Variants in ARFGEF1 observed in about 807,000 individuals in gnomAD.
The protein encoded by ARFGEF1 is brefeldin A-inhibited guanine nucleotide-exchange protein 1.
In ARFGEF1, 42 loss-of-function variants were observed where a neutral mutation model predicts 231.0. The ratio of observed to expected loss-of-function variants is 0.18; its 90% CI spans 0.14 to 0.24. ARFGEF1 has a LOEUF of 0.24. Ranked by LOEUF, ARFGEF1 falls within the 10% of genes least tolerant of loss-of-function variation. The pLI is 1.00. For synonymous variants in ARFGEF1, 710 were observed against 732.3 expected (o/e 0.97, Z 0.49); for missense variants, 1,345 against 2,192.0 (o/e 0.61, Z 7.72).
chr8:67,196,454 A>G (rs1837957599), downstream of ARFGEF1, among the ~76,000 whole-genome samples: 1 of 152,212 alleles, frequency 6.6e-6, no homozygotes, highest in African/African-American at 2.4e-5. Flanking sequence ...AGTCATTCAA[A>G]TAATTGTGAC....
chr8:67,263,942 A>G (rs1254429278), intron 14 of ARFGEF1, among the ~76,000 whole-genome samples: 3 of 152,142 alleles, frequency 2.0e-5, no homozygotes, highest in Non-Finnish European at 2.9e-5. Context: ...AAAAACATGC[A>G]AGAGAGGAAG....
chr8:67,276,647 A>T (rs765644761), intron 8 of ARFGEF1, among the ~76,000 whole-genome samples: 1 of 152,160 alleles, frequency 6.6e-6, no homozygotes, highest in Non-Finnish European at 1.5e-5. Context: ...AGAACCTGTC[A>T]TTACCATGGT....
At chr8:67,244,254 A>C (rs1340004595) in intron 19 of ARFGEF1, among the ~76,000 whole-genome samples, 2 of 27,506 alleles carry the variant, frequency 7.3e-5, no homozygotes, top group Non-Finnish European at 1.3e-4. Flanking sequence ...AAAAAAAAAA[A>C]AAAAAAAAAA....
chr8:67,210,282 A>C (rs1024068059), intron 34 of ARFGEF1, among the ~76,000 whole-genome samples: 3 of 151,838 alleles, frequency 2.0e-5, no homozygotes, highest in African/African-American at 7.3e-5. Context: ...GTTCAAGATC[A>C]GCCTGGGCAA....
chr8:67,229,679 G>A (rs1250491288), intron 23 of ARFGEF1, among the ~76,000 whole-genome samples: 1 of 151,896 alleles, frequency 6.6e-6, no homozygotes, highest in Non-Finnish European at 1.5e-5. Context: ...CAGAGCTCTC[G>A]CAAAACAAAA....
chr8:67,241,750 GA>G (rs1202075040), intron 19 of ARFGEF1, among the ~76,000 whole-genome samples: 1 of 152,086 alleles, frequency 6.6e-6, no homozygotes, highest in East Asian at 1.9e-4. Context: ...TAAGAACCGA[GA>G]AACAGGTGAG....
chr8:67,248,120 G>C lies in ARFGEF1; in HGVS notation c.2850+3179C>G, dbSNP rs964954413. Among the ~76,000 whole-genome samples, 11 of 148,826 alleles carry C rather than the reference G, an allele frequency of 7.4e-5. 2 individuals are homozygous for C. Among genetic ancestry groups the C allele is most frequent in the African/African-American group, 2.8e-4 (11 of 39,684 alleles). ...CTATAGAATACCATGACATTCTTCA[G>C]AGAAATAGAAAAAAAAAATCCTACA... On this transcript the variant is annotated intron_variant, in intron 19 of 38. Coordinates refer to ENST00000262215, the MANE Select transcript of ARFGEF1 (RefSeq NM_006421.5).
chr8:67,296,634 G>A (rs1363777122), intron 4 of ARFGEF1, 24 bp from the exon 5 acceptor site: 1 of 1,539,098 alleles, frequency 6.5e-7, no homozygotes, highest in Non-Finnish European at 8.8e-7. Context: ...AAAGGAAAAA[G>A]TTAAAGAGAT....
rs748130650 is a variant in ARFGEF1 at position 67,343,204 on chromosome 8, C to T, written c.84G>A (p.Ala28=). Residue 28 remains alanine (A), a synonymous_variant, in exon 1 of 39, where the codon GCG becomes GCA. Coordinates refer to ENST00000262215, the MANE Select transcript of ARFGEF1 (RefSeq NM_006421.5). ...AAGCTTTGCGCAGCTGGGAGTGATG[C>T]GCCTTCTTCACTTCCTTGTCGGCCA... is the stretch of plus-strand genomic sequence containing the variant. ...KILADKEVKK[A]HHSQLRKACE... is the part of the protein sequence containing the mutation. 67 of 1,610,910 alleles carry T rather than the reference C, an allele frequency of 4.2e-5. No individual in the cohort carries two copies. Among genetic ancestry groups the T allele is most frequent in the Non-Finnish European group, 5.0e-5 (59 of 1,178,234 alleles).
chr8:67,175,064 G>A, downstream of ARFGEF1: 2 of 455,606 alleles, frequency 4.4e-6, no homozygotes, highest in East Asian at 8.6e-5. Context: ...CTTGTTCTGG[G>A]GTATTCCTTA....
chr8:67,195,755 AAAAG>A (rs1837816974), downstream of ARFGEF1: 2 of 607,798 alleles, frequency 3.3e-6, no homozygotes, highest in Non-Finnish European at 5.9e-6. Flanking sequence ...GTACATAAAT[AAAAG>A]GCCATGATTA....
At chr8:67,259,736 G>C (rs55993413) in intron 15 of ARFGEF1, 79 bp downstream of exon 15, 1 of 994,368 alleles carries the variant, frequency 1.0e-6, no homozygotes, top group African/African-American at 1.6e-5. Context: ...GCAATATAGC[G>C]AGACCCTGTC....
At chr8:67,321,033 A>G (rs1807565536) in intron 1 of ARFGEF1, among the ~76,000 whole-genome samples, 1 of 152,114 alleles carries the variant, frequency 6.6e-6, no homozygotes, top group African/African-American at 2.4e-5. Flanking sequence ...ATGCATGCTG[A>G]GTGAAAGAAG....
downstream of ARFGEF1, among the ~76,000 whole-genome samples, chr8:67,194,705 TATG>T (rs1275173342): frequency 6.8e-6 from 1 of 147,704 alleles, no homozygotes; most frequent in Admixed American, 6.7e-5. Context: ...AAAAAAAGAA[TATG>T]ATATCACAGG....
chr8:67,185,861 G>A (rs1022966547), intron 5 of ARFGEF1, among the ~76,000 whole-genome samples: 5 of 152,032 alleles, frequency 3.3e-5, no homozygotes, highest in Admixed American at 2.6e-4. Flanking sequence ...AGACTCAAAA[G>A]CATCATCAAC....
At position 67,227,604 on chromosome 8, in the gene ARFGEF1, AT is replaced by A; in HGVS notation, c.3592-7del. The stretch of plus-strand genomic sequence containing the variant: ...TCATTAGGATTACACCCAACCTGTA[AT>A]GGCGACAGAAATAAACGATGCTAAT... On this transcript the variant is annotated splice_region_variant and splice_polypyrimidine_tract_variant and intron_variant, in intron 25 of 38. Transcript: ENST00000262215. The A allele has an allele frequency of 6.2e-7, 1 of 1,610,192 alleles. No homozygotes were observed. Among genetic ancestry groups the A allele is most frequent in the Non-Finnish European group, 8.5e-7 (1 of 1,178,110 alleles).
intron 1 of ARFGEF1, among the ~76,000 whole-genome samples, chr8:67,334,294 A>C (rs925579598): frequency 1.3e-5 from 2 of 151,914 alleles, no homozygotes; most frequent in East Asian, 1.9e-4. Context: ...CAAAAAAAAA[A>C]AAAAAAACAA....
chr8:67,199,169 A>T lies in ARFGEF1; in HGVS notation c.5386-71T>A, dbSNP rs1206133363. On this transcript the variant is annotated intron_variant, in intron 38 of 38. Transcript: ENST00000262215. The stretch of plus-strand genomic sequence containing the variant: ...AGAGCCTTAAACTGCCTAGAGTCAA[A>T]CTACTCTGGGGCTCCATCACAGGAG... The T allele has an allele frequency of 2.6e-6, 4 of 1,540,784 alleles. No individual in the cohort carries two copies. In the East Asian group the frequency reaches 9.5e-5, roughly 37 times the overall value.
At chr8:67,222,184 T>TATATATATATATATATATATACACACAC (rs1839197668) in intron 29 of ARFGEF1, among the ~76,000 whole-genome samples, 2 of 65,682 alleles carry the variant, frequency 3.0e-5, no homozygotes, top group Admixed American at 1.5e-4. Context: ...TATATACACA[T>TATATATATATATATATATATACACACAC]ATATATATAT....
Sources: gnomAD v4.1 joint callset for allele counts (sites outside exome capture counted in the v4.1 genomes callset) on GRCh38, gnomAD v4.1.1 for gene constraint, MANE v1.5 for transcripts, NCBI Gene and HGNC (gene_info 2026-07-23, HGNC 2026-07-21) for gene names.